Variants in HTRA1 observed in about 807,000 individuals in gnomAD.
HTRA1 encodes serine protease HTRA1.
In HTRA1, 26 loss-of-function variants were observed where a neutral mutation model predicts 49.7. That is an observed-to-expected ratio of 0.52 (90% CI 0.38 to 0.73). The LOEUF is 0.73. Among genes scored for constraint, HTRA1 ranks in the 30% least tolerant of loss-of-function variants. The pLI, the probability that HTRA1 is intolerant of heterozygous loss-of-function variation, is 0.00. For synonymous variants in HTRA1, 291 were observed against 286.9 expected (o/e 1.01, Z -0.14); for missense variants, 561 against 667.2 (o/e 0.84, Z 1.75).
chr10:122,467,903 C>T (rs994326742), intron 1 of HTRA1, among the ~76,000 whole-genome samples: 2 of 152,150 alleles, frequency 1.3e-5, no homozygotes, highest in African/African-American at 4.8e-5. Context: ...TACTTGGTGA[C>T]GTGTGCCTAG....
rs1172778141 is a variant in HTRA1, at chr10:122,494,464, A to T, written c.777+4838A>T. Among the ~76,000 whole-genome samples the T allele has an allele frequency of 6.6e-6, 1 of 152,140 alleles. No homozygotes were observed. Among genetic ancestry groups the T allele is most frequent in the Admixed American group, 6.5e-5 (1 of 15,280 alleles). ...CCCGGCTTTGCCTGCTTGGAGTTTG[A>T]TGGACACGTGGTCCTGTCAGGGCTA... On this transcript the variant is annotated intron_variant, in intron 3 of 8. Transcript: ENST00000368984. This position sits in a 1 kb window ranked among gnomAD's most constrained non-coding sequence, Gnocchi z 4.0.
chr10:122,486,233 C>T (rs1316392305), intron 1 of HTRA1, among the ~76,000 whole-genome samples: 1 of 152,058 alleles, frequency 6.6e-6, no homozygotes, highest in Non-Finnish European at 1.5e-5. Flanking sequence ...GCCTCAGTTT[C>T]CCCATATATA....
chr10:122,506,882 C>A lies in HTRA1; in HGVS notation c.969C>A (p.Ile323=). 1 of 1,613,328 alleles carries A rather than the reference C, an allele frequency of 6.2e-7. No individual in the cohort carries two copies. ...ACTACATCCAGACCGACGCCATCAT[C>A]AACGTGAGCCTCTGTCCCTCTGCGG... ...DMDYIQTDAI[I]NYGNSGGPLV... The change falls in exon 4 of 9, where the codon ATC becomes ATA. Residue 323 remains isoleucine, a synonymous_variant. Transcript: ENST00000368984. This position sits in a 1 kb window ranked among gnomAD's most constrained non-coding sequence, Gnocchi z 5.2.
At chr10:122,468,686 T>A (rs2672594) in intron 1 of HTRA1, among the ~76,000 whole-genome samples, 30,898 of 152,180 alleles carry the variant, frequency 0.2, 3,431 homozygotes, top group Non-Finnish European at 0.25. Context: ...GCCTATATCA[T>A]GTGACCAGTG....
At chr10:122,503,927 C>T (rs1334625997) in intron 3 of HTRA1, among the ~76,000 whole-genome samples, 4 of 152,212 alleles carry the variant, frequency 2.6e-5, no homozygotes, top group East Asian at 3.9e-4. Flanking sequence ...TGGCTACTTA[C>T]GTAGCCACAT....
rs201461807 is a variant in HTRA1 at position 122,508,659 on chromosome 10, G to T, written c.1009G>T (p.Gly337Cys). 6.3e-7 allele frequency: 1 copy of T among 1,599,966 alleles called. No homozygotes were observed. The highest frequency in any genetic ancestry group is 8.6e-7 in the Non-Finnish European group (1 of 1,167,146). ...CCGTGTCCTTCTTGCTTTTCAGGAC[G>T]GTGAAGTGATTGGAATTAACACTTT... ...NSGGPLVNLDGEVIGINTLKV... is the reference protein window; with the variant it reads ...NSGGPLVNLDCEVIGINTLKV... The change falls in exon 6 of 9, where the codon GGT becomes TGT. Residue 337 changes from glycine to cysteine, a missense_variant. Gly to Cys is a radical substitution (Grantham distance 159). Transcript: ENST00000368984.
chr10:122,503,213 T>G (rs547841800), intron 3 of HTRA1, among the ~76,000 whole-genome samples: 1 of 152,256 alleles, frequency 6.6e-6, no homozygotes, highest in Non-Finnish European at 1.5e-5. Flanking sequence ...CCTGTGGCTG[T>G]GCACTTCCAG....
rs1030352905 is a variant in HTRA1, at chr10:122,461,560, C to T, written c.-93C>T. 1.5e-4 allele frequency: 105 copies of T among 711,714 alleles called. 1 individual carries two copies. The Admixed American group carries it at 3.0e-3, about 20-fold the overall frequency. The allele number at this position is 711,714 out of a possible 1,614,324, so 44.1% of individuals were successfully genotyped here. On this transcript the variant is annotated 5_prime_UTR_variant, in exon 1 of 9. Transcript: ENST00000368984. ...GGCCGCGCGGCCGCGCGCACTCGCA[C>T]CCGCTGCCCCCGAGGCCCTCCTGCA...
rs371668865 is a variant in HTRA1 at position 122,489,100 on chromosome 10, T to C, written c.572+99T>C. On this transcript the variant is annotated intron_variant, in intron 2 of 8. Coordinates refer to ENST00000368984, the MANE Select transcript of HTRA1 (RefSeq NM_002775.5). ...TGAGATACATTAAAGTGTCAAAGTG[T>C]CACTGAATATCTTCCTACTTAAGAT... 1.5e-5 allele frequency: 13 copies of C among 842,004 alleles called. No individual in the cohort carries two copies. In the East Asian group the frequency reaches 1.7e-4, roughly 11 times the overall value. The allele number at this position is 842,004 out of a possible 1,614,324, so 52.2% of individuals were successfully genotyped here. A position where few individuals can be genotyped will look rare whatever the true frequency, so the allele number is the denominator to read the frequency against.
At chr10:122,478,693 G>A (rs1284754982) in intron 1 of HTRA1, among the ~76,000 whole-genome samples, 2 of 152,088 alleles carry the variant, frequency 1.3e-5, no homozygotes, top group Admixed American at 1.3e-4. Context: ...GCCCGGCTGA[G>A]TTTGACCAGA....
intron 3 of HTRA1, among the ~76,000 whole-genome samples, chr10:122,503,583 G>T (rs1046197691): frequency 6.6e-6 from 1 of 152,222 alleles, no homozygotes. Context: ...TGTACTGGGC[G>T]TGTGGGTCTG....
intron 1 of HTRA1, among the ~76,000 whole-genome samples, chr10:122,470,230 A>C (rs546290915): frequency 6.6e-6 from 1 of 152,352 alleles, no homozygotes; most frequent in African/African-American, 2.4e-5. Flanking sequence ...ATGAACCACT[A>C]GAGTTAGAAA....
rs995655333 is a variant in HTRA1, at chr10:122,461,733, C to A, written c.81C>A (p.Ala27=). ...CCGCCTCGGCGCAGCTGTCCCGGGC[C>A]GGCCGCTCGGCGCCTTTGGCCGCCG... ...AAPASAQLSR[A]GRSAPLAAGC... Residue 27 remains alanine, a synonymous_variant, in exon 1 of 9, where the codon GCC becomes GCA. Transcript: ENST00000368984. 13 of 1,170,854 alleles carry A rather than the reference C, an allele frequency of 1.1e-5. No homozygotes were observed. The highest frequency in any genetic ancestry group is 1.4e-5 in the Non-Finnish European group (13 of 939,390). The allele number at this position is 1,170,854 out of a possible 1,614,324, so 72.5% of individuals were successfully genotyped here.
chr10:122,478,922 A>G (rs1470190223), intron 1 of HTRA1, among the ~76,000 whole-genome samples: 1 of 152,168 alleles, frequency 6.6e-6, no homozygotes, highest in African/African-American at 2.4e-5. Context: ...TAATTTTTGA[A>G]CAAAGGGCCC....
intron 1 of HTRA1, among the ~76,000 whole-genome samples, chr10:122,477,053 C>T (rs989384648): frequency 2.6e-5 from 4 of 151,286 alleles, no homozygotes; most frequent in Admixed American, 6.6e-5. Context: ...CTGCAAGCTC[C>T]GCCTTCCAGG....
intron 6 of HTRA1, 42 bp downstream of exon 6, chr10:122,508,812 GC>G (rs1565435568): frequency 8.3e-7 from 1 of 1,201,360 alleles, no homozygotes; most frequent in South Asian, 1.2e-5. Context: ...CGGAGATGGG[GC>G]CTGAAGCTCA....
chr10:122,492,674 T>C lies in HTRA1; in HGVS notation c.777+3048T>C, dbSNP rs138567553. Reference sequence around the variant, plus strand: ...TTGAGACTTTCAGTGAAATAAGAATTGCCACGGACATCTGTGGTCATTGTC... The same window carrying C: ...TTGAGACTTTCAGTGAAATAAGAATCGCCACGGACATCTGTGGTCATTGTC... On this transcript the variant is annotated intron_variant, in intron 3 of 8. Transcript: ENST00000368984. 4.3e-3 allele frequency among the ~76,000 whole-genome samples: 649 copies of C among 152,264 alleles called. 2 individuals carry two copies. The highest frequency in any genetic ancestry group is 0.015 in the African/African-American group (617 of 41,550).
intron 3 of HTRA1, among the ~76,000 whole-genome samples, chr10:122,504,466 G>A (rs1243426599): frequency 2.0e-5 from 3 of 152,162 alleles, no homozygotes; most frequent in African/African-American, 4.8e-5. Flanking sequence ...TGAAGCAGAC[G>A]CCTGCTGGGC....
intron 3 of HTRA1, 49 bp downstream of exon 3, chr10:122,489,675 A>G (rs2097494842): frequency 1.3e-6 from 2 of 1,550,618 alleles, no homozygotes; most frequent in African/African-American, 2.7e-5. Flanking sequence ...GCCCCGGAAC[A>G]CCCTTGGCAA....
Sources: gnomAD v4.1 joint callset for allele counts (sites outside exome capture counted in the v4.1 genomes callset) on GRCh38, gnomAD v4.1.1 for gene constraint, Gnocchi (gnomAD v3.1) non-coding constraint, MANE v1.5 for transcripts, NCBI Gene and HGNC (gene_info 2026-07-23, HGNC 2026-07-21) for gene names.